The following TCF20 variants were observed in gnomAD, a reference collection of about 807,000 sequenced individuals.
The protein encoded by TCF20 is transcription factor 20.
TCF20 carries 3 observed loss-of-function variants against 148.6 expected under a neutral mutation model. The observed-to-expected ratio is 0.02, with a 90% CI of 0.01 to 0.05. The LOEUF (loss-of-function observed/expected upper bound fraction) is 0.05. TCF20 is among the 10% of genes least tolerant of loss of function. The probability of loss-of-function intolerance (pLI) is 1.00; values close to 1 mark genes in which losing one functional copy is unlikely to be tolerated. For missense variants in TCF20, 2,350 were observed against 2,429.3 expected, an observed-to-expected ratio of 0.97 and a Z score of 0.69; for synonymous variants, 1,049 against 909.5, an observed-to-expected ratio of 1.15 and a Z score of -2.76.
At chr22:42,207,447 C>T (rs1003699242) in intron 2 of TCF20, among the ~76,000 whole-genome samples, 3 of 152,118 alleles carry the variant, frequency 2.0e-5, no homozygotes, top group Admixed American at 1.3e-4. Context: ...GAGAGGACTA[C>T]AGGCTAGCAA....
At chr22:42,221,494 T>A (rs1009259271) in intron 1 of TCF20, among the ~76,000 whole-genome samples, 1 of 152,170 alleles carries the variant, frequency 6.6e-6, no homozygotes, top group Non-Finnish European at 1.5e-5. Context: ...CAGAGTAGAC[T>A]ATTGCCACTT....
intron 1 of TCF20, among the ~76,000 whole-genome samples, chr22:42,312,662 C>G (rs1438174896): frequency 1.3e-5 from 2 of 152,252 alleles, no homozygotes; most frequent in Non-Finnish European, 2.9e-5. Context: ...GCCGCCCTGG[C>G]CTGGCAATCC....
chr22:42,300,983 G>T (rs1927326445), intron 1 of TCF20, among the ~76,000 whole-genome samples: 1 of 152,198 alleles, frequency 6.6e-6, no homozygotes, highest in Non-Finnish European at 1.5e-5. Context: ...GGGTGTTTAG[G>T]ATAGAGAGGT....
chr22:42,261,130 T>C (rs1459010705), intron 1 of TCF20, among the ~76,000 whole-genome samples: 2 of 152,238 alleles, frequency 1.3e-5, no homozygotes, highest in East Asian at 1.9e-4. Context: ...TTTTGGTTTT[T>C]CACTGAGCAT....
chr22:42,161,470 G>C (rs742087), intron 5 of TCF20, 112 bp from the exon 6 acceptor site: 1 of 1,398,732 alleles, frequency 7.1e-7, no homozygotes, highest in South Asian at 1.2e-5. Flanking sequence ...CTGCACTCAC[G>C]CCCCTCTGCA....
chr22:42,214,382 C>A lies in TCF20; in HGVS notation c.924G>T (p.Gly308=), dbSNP rs1048668458. Residue 308 remains glycine (G), a synonymous_variant, in exon 2 of 6, where the codon GGG becomes GGT. Coordinates refer to ENST00000677622, the MANE Select transcript of TCF20 (RefSeq NM_001378418.1). ...KNFEQAKIPQ[G]TQQGQQQQQP... The stretch of plus-strand genomic sequence containing the variant: ...GCTGCTGCTGCTGCCCCTGTTGGGT[C>A]CCTTGTGGAATCTTTGCCTGTTCAA... 3.7e-6 allele frequency: 6 copies of A among 1,613,944 alleles called. No homozygotes were observed. The highest frequency in any genetic ancestry group is 5.1e-6 in the Non-Finnish European group (6 of 1,180,030).
rs117724989 is a variant in TCF20 at position 42,306,179 on chromosome 22, G to A, written c.-37+37300C>T. 0.012 allele frequency among the ~76,000 whole-genome samples: 1,819 copies of A among 152,362 alleles called. 264 individuals are homozygous for A. In the East Asian group the frequency reaches 0.31, roughly 26 times the overall value. ...GCTAAGCCGGAGACGGAGCCGCTGT[G>A]CGCGCCGCTGCCAGCTCCCCGCCTC... On this transcript the variant is annotated intron_variant, in intron 1 of 1. Coordinates refer to the TCF20 transcript ENST00000515426.
chr22:42,330,682 G>A (rs549252778), intron 1 of TCF20, among the ~76,000 whole-genome samples: 26 of 152,334 alleles, frequency 1.7e-4, no homozygotes, highest in Admixed American at 1.4e-3. Flanking sequence ...ACAACACAGG[G>A]CCATCGGGGT....
Position 42,212,373 on chromosome 22 carries a change from T to C in TCF20, c.2933A>G (p.Tyr978Cys). The change falls in exon 2 of 6, where the codon TAT becomes TGT. Residue 978 changes from tyrosine (Y) to cysteine (C), a missense_variant. Physicochemically the swap from Tyr to Cys is radical, Grantham distance 194. Around this residue, in one of 7 missense-constraint regions of TCF20, gnomAD observed 1,641 missense variants for 1,662.6 expected, o/e 0.99. Transcript: ENST00000677622. ...GAATHDSLSD[Y>C]GPQDSRPTPM... ...CGTGGGTCTGCTGTCTTGCGGGCCA[T>C]AGTCTGAAAGGGAATCATGGGTTGC... 13 of 1,614,212 alleles carry C rather than the reference T, an allele frequency of 8.1e-6. No homozygotes were observed. The highest frequency in any genetic ancestry group is 1.6e-4 in the Middle Eastern group (1 of 6,062).
At chr22:42,228,670 T>C (rs1464087629) in intron 1 of TCF20, among the ~76,000 whole-genome samples, 5 of 152,144 alleles carry the variant, frequency 3.3e-5, no homozygotes, top group Non-Finnish European at 5.9e-5. Flanking sequence ...GCGATTCCCA[T>C]TGCACATCCA....
rs751870532 is a variant in TCF20, at chr22:42,210,598, A to T, written c.4708T>A (p.Ser1570Thr). Residue 1570 changes from serine (S) to threonine (T), a missense_variant, in exon 2 of 6, where the codon TCT becomes ACT. Around this residue, in one of 7 missense-constraint regions of TCF20, gnomAD observed 374 missense variants for 398.3 expected, o/e 0.94. Coordinates refer to ENST00000677622, the MANE Select transcript of TCF20 (RefSeq NM_001378418.1). The surrounding 1 kb of genome is among the most constrained non-coding windows in gnomAD (Gnocchi z 4.7). ...PPQPPQIPEG[S>T]ADGEPKPKKQ... ...TTTGGCTTTGGCTCTCCATCTGCAG[A>T]ACCTTCTGGTATCTGTGGGGGCTGA... The T allele has an allele frequency of 6.2e-7, 1 of 1,614,034 alleles. No individual in the cohort carries two copies. The highest frequency in any genetic ancestry group is 8.5e-7 in the Non-Finnish European group (1 of 1,180,014).
At chr22:42,236,225 GA>G (rs1439807749) in intron 1 of TCF20, among the ~76,000 whole-genome samples, 1 of 151,584 alleles carries the variant, frequency 6.6e-6, no homozygotes, top group Non-Finnish European at 1.5e-5. Flanking sequence ...AGACAACAAG[GA>G]AAAAAATGGA....
At chr22:42,282,373 C>T (rs931671888) in intron 1 of TCF20, among the ~76,000 whole-genome samples, 3 of 152,252 alleles carry the variant, frequency 2.0e-5, no homozygotes, top group Admixed American at 6.5e-5. Context: ...GTACCATGGC[C>T]GCTTCCTGGC....
rs1483266402 is a variant in TCF20, at chr22:42,213,039, A to G, written c.2267T>C (p.Val756Ala). ...NEKFPSLLQE[V>A]LQGYHHHPDR... is the part of the protein sequence containing the mutation. ...AGGGTGGTGGTGGTAACCCTGAAGC[A>G]CTTCCTGCAGGAGGCTTGGGAATTT... Residue 756 changes from valine (V) to alanine (A), a missense_variant, in exon 2 of 6, where the codon GTG becomes GCG. Coordinates refer to ENST00000677622, the MANE Select transcript of TCF20 (RefSeq NM_001378418.1). 5.0e-6 allele frequency: 8 copies of G among 1,614,024 alleles called. No individual in the cohort carries two copies. Among genetic ancestry groups the G allele is most frequent in the Non-Finnish European group, 6.8e-6 (8 of 1,179,952 alleles).
intron 1 of TCF20, among the ~76,000 whole-genome samples, chr22:42,311,910 C>T (rs56354295): frequency 7.2e-5 from 11 of 152,252 alleles, no homozygotes; most frequent in African/African-American, 2.6e-4. Context: ...AAAGGGTCTC[C>T]TTCCTAGAAG....
chr22:42,225,538 C>T (rs1034719960), intron 1 of TCF20, among the ~76,000 whole-genome samples: 3 of 146,314 alleles, frequency 2.1e-5, no homozygotes, highest in Non-Finnish European at 4.5e-5. Flanking sequence ...GGCGTGAACC[C>T]GGGAGGCGGA....
At chr22:42,328,951 G>A (rs897071522) in intron 1 of TCF20, among the ~76,000 whole-genome samples, 14 of 152,324 alleles carry the variant, frequency 9.2e-5, no homozygotes, top group African/African-American at 2.4e-4. Flanking sequence ...AGCCTGAAAC[G>A]CCTGAACCAC....
chr22:42,323,337 G>C (rs1224965460), intron 1 of TCF20, among the ~76,000 whole-genome samples: 1 of 150,790 alleles, frequency 6.6e-6, no homozygotes, highest in East Asian at 1.9e-4. Flanking sequence ...TGGCAGCCAG[G>C]GGCAGCCAGG....
chr22:42,342,676 C>G (rs1928188434), intron 1 of TCF20, among the ~76,000 whole-genome samples: 1 of 152,164 alleles, frequency 6.6e-6, no homozygotes, highest in Non-Finnish European at 1.5e-5. Flanking sequence ...GACAAGGCTG[C>G]CCCCATCTCA....
Sources: allele counts gnomAD v4.1 joint callset (sites outside exome capture counted in the v4.1 genomes callset), GRCh38; gene constraint gnomAD v4.1.1; regional missense constraint gnomAD v4.1.1; non-coding constraint Gnocchi (gnomAD v3.1); transcripts MANE v1.5; gene names NCBI Gene and HGNC (gene_info 2026-07-23, HGNC 2026-07-21).